Variants in ZCWPW2 observed in about 807,000 individuals in gnomAD.
The protein encoded by ZCWPW2 is zinc finger CW-type and PWWP domain containing 2.
ZCWPW2 carries 45 observed loss-of-function variants against 46.6 expected under a neutral mutation model. That is an observed-to-expected ratio of 0.96 (90% confidence interval 0.76 to 1.24). ZCWPW2 has a LOEUF of 1.24. Among genes scored for constraint, ZCWPW2 ranks in the 50% most tolerant of loss-of-function variants. ZCWPW2 has a pLI of 0.00. For missense variants in ZCWPW2, 429 were observed against 403.9 expected, an observed-to-expected ratio of 1.06 and a Z score of -0.53; for synonymous variants, 152 against 137.1, an observed-to-expected ratio of 1.11 and a Z score of -0.76.
rs945098891 is a variant in ZCWPW2, at chr3:28,348,821, G to A, written c.-516G>A. The stretch of plus-strand genomic sequence containing the variant: ...GGCAGGAGCCCGGGACGTTCTGGAA[G>A]GAGGGACGAGCCGAGGCAGGAGGGG... On this transcript the variant is annotated 5_prime_UTR_variant, in exon 1 of 10. Transcript: ENST00000383768. 2 of 378,804 alleles carry A rather than the reference G, an allele frequency of 5.3e-6. No individual in the cohort carries two copies. Among genetic ancestry groups the A allele is most frequent in the Admixed American group, 6.4e-5 (1 of 15,532 alleles). The allele number at this position is 378,804 out of a possible 1,614,324, so 23.5% of individuals were successfully genotyped here. A position where few individuals can be genotyped will look rare whatever the true frequency, so the allele number is the denominator to read the frequency against.
rs552789798 is a variant in ZCWPW2, at chr3:28,362,786, G to C, written c.-134+13583G>C. Among the ~76,000 whole-genome samples, 5 of 152,200 alleles carry C rather than the reference G, an allele frequency of 3.3e-5. No homozygotes were observed. In the South Asian group the frequency reaches 1.0e-3, roughly 32 times the overall value. On this transcript the variant is annotated intron_variant, in intron 1 of 9. Coordinates refer to ENST00000383768, the MANE Select transcript of ZCWPW2 (RefSeq NM_001040432.4). Reference sequence around the variant, plus strand: ...GCATGTGTATGTTGAACACTATTCAGAGTAGCAAAGACAATGAATCAACCT... The same window carrying C: ...GCATGTGTATGTTGAACACTATTCACAGTAGCAAAGACAATGAATCAACCT...
At chr3:28,384,051 A>G (rs1695190407) in intron 1 of ZCWPW2, among the ~76,000 whole-genome samples, 1 of 152,160 alleles carries the variant, frequency 6.6e-6, no homozygotes, top group African/African-American at 2.4e-5. Flanking sequence ...TTAGAGGTAT[A>G]TTACTAGAGC....
chr3:28,425,732 T>G (rs545148089), intron 3 of ZCWPW2, among the ~76,000 whole-genome samples: 3 of 152,358 alleles, frequency 2.0e-5, no homozygotes, highest in African/African-American at 7.2e-5. Flanking sequence ...TCTTTTCCTA[T>G]GTGCAGACTC....
At chr3:28,489,930 C>T (rs1184385692) in intron 5 of ZCWPW2, among the ~76,000 whole-genome samples, 2 of 151,928 alleles carry the variant, frequency 1.3e-5, no homozygotes, top group African/African-American at 4.8e-5. Context: ...AAAATATTCG[C>T]AAACTCTGCA....
At chr3:28,443,424 AG>A (rs1350594125) in intron 4 of ZCWPW2, among the ~76,000 whole-genome samples, 13 of 152,220 alleles carry the variant, frequency 8.5e-5, no homozygotes, top group African/African-American at 3.1e-4. Context: ...AAATTGATTG[AG>A]GGGGTGTGGT....
In ZCWPW2 at chr3:28,423,898, T is replaced by G. The variant is rs138374480; in HGVS notation, c.332+10498T>G. On this transcript the variant is annotated intron_variant, in intron 3 of 9. Coordinates refer to ENST00000383768, the MANE Select transcript of ZCWPW2 (RefSeq NM_001040432.4). The stretch of plus-strand genomic sequence containing the variant: ...TAATATTATATGGATCATATAATTT[T>G]TAGTAGTTTGTGCCCATTTGCTCCT... 5.5e-4 allele frequency among the ~76,000 whole-genome samples: 84 copies of G among 152,234 alleles called. 1 individual carries two copies. The highest frequency in any genetic ancestry group is 2.0e-3 in the African/African-American group (82 of 41,528).
intron 1 of ZCWPW2, among the ~76,000 whole-genome samples, chr3:28,363,899 C>G (rs1705028944): frequency 6.6e-6 from 1 of 152,194 alleles, no homozygotes; most frequent in Non-Finnish European, 1.5e-5. Flanking sequence ...GGTGGACATT[C>G]CCTCCTTTTG....
intron 2 of ZCWPW2, among the ~76,000 whole-genome samples, chr3:28,411,863 A>C (rs1377137659): frequency 6.6e-6 from 1 of 152,112 alleles, no homozygotes; most frequent in African/African-American, 2.4e-5. Flanking sequence ...TCACTCTTTC[A>C]ACATGAAAAA....
intron 4 of ZCWPW2, among the ~76,000 whole-genome samples, chr3:28,458,826 G>A (rs867448855): frequency 2.0e-5 from 3 of 152,124 alleles, no homozygotes; most frequent in South Asian, 2.1e-4. Context: ...GATGTGAAAG[G>A]TCTTTTCGTC....
intron 1 of ZCWPW2, among the ~76,000 whole-genome samples, chr3:28,384,977 A>G (rs1575073733): frequency 6.6e-6 from 1 of 152,260 alleles, no homozygotes; most frequent in East Asian, 1.9e-4. Flanking sequence ...TATTATACAT[A>G]TTTTATACTG....
intron 2 of ZCWPW2, among the ~76,000 whole-genome samples, chr3:28,391,558 G>T (rs977513772): frequency 6.6e-6 from 1 of 152,204 alleles, no homozygotes; most frequent in Non-Finnish European, 1.5e-5. Flanking sequence ...GATGGCTAGG[G>T]ATACAAAAGA....
chr3:28,437,655 A>G (rs1203051204), intron 4 of ZCWPW2, among the ~76,000 whole-genome samples: 3 of 151,988 alleles, frequency 2.0e-5, no homozygotes, highest in Admixed American at 6.5e-5. Flanking sequence ...AATAAATGGA[A>G]CTATTCATTG....
intron 4 of ZCWPW2, among the ~76,000 whole-genome samples, chr3:28,470,635 AAAG>A (rs898374951): frequency 2.6e-5 from 4 of 152,140 alleles, no homozygotes; most frequent in Non-Finnish European, 2.9e-5. Context: ...CTAAATTAAA[AAAG>A]AAGAAAAGTT....
chr3:28,373,650 A>G (rs1705412684), intron 1 of ZCWPW2, among the ~76,000 whole-genome samples: 1 of 151,670 alleles, frequency 6.6e-6, no homozygotes, highest in Admixed American at 6.6e-5. Flanking sequence ...TAATTTTTGT[A>G]TTTTTGGTAG....
Position 28,524,589 on chromosome 3 carries a change from C to T in ZCWPW2, c.972C>T (p.Asp324=), listed in dbSNP as rs201046033. Residue 324 remains aspartate (D), a synonymous_variant, in exon 10 of 10, where the codon GAC becomes GAT. Transcript: ENST00000383768. ...GSLFENHYEE[D]YLVIDGIKLK... ...TGTTTGAAAACCACTATGAAGAGGA[C>T]TATCTTGTAATTGATGGGATAAAAT... The T allele has an allele frequency of 2.0e-5, 32 of 1,609,652 alleles. No individual in the cohort carries two copies. The Admixed American group carries it at 4.6e-4, about 23-fold the overall frequency.
chr3:28,417,159 TAAA>T (rs966278522), intron 3 of ZCWPW2, among the ~76,000 whole-genome samples: 13 of 139,758 alleles, frequency 9.3e-5, no homozygotes, highest in Non-Finnish European at 1.9e-4. Flanking sequence ...GCAAGACAAA[TAAA>T]GAAGAAAAGA....
rs973373745 is a variant in ZCWPW2 at position 28,386,653 on chromosome 3, G to A, written c.-133-3845G>A. On this transcript the variant is annotated intron_variant, in intron 1 of 9. Transcript: ENST00000383768. ...TCAAATTTAAAATATCTGTGATATT[G>A]TATTGATTCTTTTAAAAATAAATAG... Among the ~76,000 whole-genome samples the A allele has an allele frequency of 2.0e-5, 3 of 152,006 alleles. No homozygotes were observed. In the South Asian group the frequency reaches 6.2e-4, roughly 32 times the overall value.
intron 4 of ZCWPW2, among the ~76,000 whole-genome samples, chr3:28,464,261 T>C (rs991941187): frequency 1.3e-5 from 2 of 152,166 alleles, no homozygotes; most frequent in African/African-American, 4.8e-5. Flanking sequence ...AGCACTGGAA[T>C]GGCCAGCATT....
chr3:28,466,133 C>T (rs1212341514), intron 4 of ZCWPW2, among the ~76,000 whole-genome samples: 1 of 152,112 alleles, frequency 6.6e-6, no homozygotes, highest in African/African-American at 2.4e-5. Context: ...ATTGAGTACA[C>T]ATGGACACAA....
Sources: allele counts gnomAD v4.1 joint callset (sites outside exome capture counted in the v4.1 genomes callset), GRCh38; gene constraint gnomAD v4.1.1; transcripts MANE v1.5; gene names NCBI Gene and HGNC (gene_info 2026-07-23, HGNC 2026-07-21).